The following LMX1A variants were observed in gnomAD, a reference collection of about 807,000 sequenced individuals.
LMX1A encodes the protein LIM homeobox transcription factor 1-alpha.
LMX1A carries 15 observed loss-of-function variants against 49.1 expected under a neutral mutation model. The ratio of observed to expected loss-of-function variants is 0.31; its 90% CI spans 0.20 to 0.47. The LOEUF (loss-of-function observed/expected upper bound fraction) is 0.47. Among genes scored for constraint, LMX1A ranks in the 20% least tolerant of loss-of-function variants. The pLI, the probability that LMX1A is intolerant of heterozygous loss-of-function variation, is 1.00. For missense variants in LMX1A, 372 were observed against 475.8 expected, an observed-to-expected ratio of 0.78 and a Z score of 2.03; for synonymous variants, 167 against 185.7, an observed-to-expected ratio of 0.90 and a Z score of 0.82.
chr1:165,260,012 C>A (rs1337606988), intron 3 of LMX1A, among the ~76,000 whole-genome samples: 1 of 152,100 alleles, frequency 6.6e-6, no homozygotes, highest in Non-Finnish European at 1.5e-5. Flanking sequence ...GCCAAGGTGG[C>A]ACAACTTATA....
chr1:165,292,856 C>T (rs978354571), intron 3 of LMX1A, among the ~76,000 whole-genome samples: 3 of 152,116 alleles, frequency 2.0e-5, no homozygotes, highest in Non-Finnish European at 4.4e-5. Context: ...CGGTGGCTCA[C>T]GCCTGTAATC....
chr1:165,335,607 T>A (rs1264944391), intron 3 of LMX1A, among the ~76,000 whole-genome samples: 1 of 152,156 alleles, frequency 6.6e-6, no homozygotes, highest in Non-Finnish European at 1.5e-5. Context: ...CAACAAATGA[T>A]CACAATTAGC....
At chr1:165,230,943 G>A (rs1248108063) in intron 4 of LMX1A, among the ~76,000 whole-genome samples, 1 of 152,108 alleles carries the variant, frequency 6.6e-6, no homozygotes, top group Non-Finnish European at 1.5e-5. Context: ...AGGGAATGGG[G>A]TATGATCATT....
chr1:165,222,161 T>C (rs999966324), intron 4 of LMX1A, among the ~76,000 whole-genome samples: 16 of 152,202 alleles, frequency 1.1e-4, no homozygotes, highest in African/African-American at 3.9e-4. Context: ...CATCACTGTA[T>C]TCAAATCAAG....
intron 4 of LMX1A, among the ~76,000 whole-genome samples, chr1:165,237,450 C>A (rs1486258629): frequency 6.6e-6 from 1 of 152,170 alleles, no homozygotes; most frequent in Admixed American, 6.5e-5. Context: ...ATCTCCTGAT[C>A]TCGTGATCCG....
intron 3 of LMX1A, among the ~76,000 whole-genome samples, chr1:165,251,155 T>A (rs1394210081): frequency 6.6e-6 from 1 of 151,422 alleles, no homozygotes; most frequent in African/African-American, 2.4e-5. Flanking sequence ...TGATCTCGGC[T>A]CACTGCAATG....
At chr1:165,266,564 G>A (rs1653623715) in intron 3 of LMX1A, among the ~76,000 whole-genome samples, 1 of 150,272 alleles carries the variant, frequency 6.7e-6, no homozygotes, top group Non-Finnish European at 1.5e-5. Context: ...CAACATGCTG[G>A]ATGAACTAAT....
At chr1:165,309,611 T>C (rs1655017467) in intron 3 of LMX1A, among the ~76,000 whole-genome samples, 1 of 152,350 alleles carries the variant, frequency 6.6e-6, no homozygotes, top group South Asian at 2.1e-4. Flanking sequence ...CTGTAGATTA[T>C]TGGGGTAATT....
At chr1:165,215,252 A>G (rs1195682185) in intron 4 of LMX1A, among the ~76,000 whole-genome samples, 1 of 152,174 alleles carries the variant, frequency 6.6e-6, no homozygotes, top group African/African-American at 2.4e-5. Context: ...TGGAAGTTGC[A>G]GCAGCAAGCC....
rs148948340 is a variant in LMX1A at position 165,313,605 on chromosome 1, A to G, written c.263+39471T>C. Among the ~76,000 whole-genome samples, 6 of 151,984 alleles carry G rather than the reference A, an allele frequency of 3.9e-5. No homozygotes were observed. In the East Asian group the frequency reaches 1.2e-3, roughly 29 times the overall value. On this transcript the variant is annotated intron_variant, in intron 3 of 8. Transcript: ENST00000342310. ...AAATGGTATGGAATCCCAGGCTGGAAACTTCAGGGAGCTATTGCCAGCCCT... is the reference window on the plus strand; with the variant it reads ...AAATGGTATGGAATCCCAGGCTGGAGACTTCAGGGAGCTATTGCCAGCCCT...
chr1:165,297,093 G>A (rs919845925), intron 3 of LMX1A, among the ~76,000 whole-genome samples: 2 of 152,202 alleles, frequency 1.3e-5, no homozygotes, highest in African/African-American at 4.8e-5. Flanking sequence ...GTAGAGCTCA[G>A]TTTCCAGCAC....
intron 3 of LMX1A, among the ~76,000 whole-genome samples, chr1:165,253,338 C>T (rs1371361864): frequency 2.0e-5 from 3 of 152,182 alleles, no homozygotes; most frequent in African/African-American, 7.2e-5. Context: ...CACCTCCCAA[C>T]TCTAAATTGT....
intron 3 of LMX1A, among the ~76,000 whole-genome samples, chr1:165,279,472 G>A (rs1571198118): frequency 1.5e-5 from 1 of 66,462 alleles, no homozygotes; most frequent in Admixed American, 1.9e-4. Flanking sequence ...GAAGATCCAA[G>A]AGAGAAACTG....
chr1:165,261,612 A>T (rs896926538), intron 3 of LMX1A, among the ~76,000 whole-genome samples: 2 of 152,260 alleles, frequency 1.3e-5, no homozygotes, highest in Non-Finnish European at 2.9e-5. Context: ...CATTATGCAC[A>T]GTAGCCAAGA....
At position 165,355,515 on chromosome 1, in the gene LMX1A, G is replaced by C. The variant is rs369951809; in HGVS notation, c.45C>G (p.Ile15Met). 90 of 1,613,878 alleles carry C rather than the reference G, an allele frequency of 5.6e-5. No homozygotes were observed. Among genetic ancestry groups the C allele is most frequent in the Non-Finnish European group, 7.3e-5 (86 of 1,180,002 alleles). The part of the protein sequence containing the change: ...LKMEENFQSA[I>M]DTSASFSSLL... ...GCGAGGAGAAGGAGGCCGAGGTGTCGATCGCGCTTTGGAAGTTCTCCTCCA... is the reference window on the plus strand; with the variant it reads ...GCGAGGAGAAGGAGGCCGAGGTGTCCATCGCGCTTTGGAAGTTCTCCTCCA... The change falls in exon 2 of 9, where the codon ATC (isoleucine) becomes ATG (methionine). Residue 15 changes from isoleucine (I) to methionine (M), a missense_variant. This residue lies in a region of LMX1A where 199 missense variants were observed against 244.0 expected (regional missense o/e 0.82). Coordinates refer to ENST00000342310, the MANE Select transcript of LMX1A (RefSeq NM_177398.4). The surrounding 1 kb of genome is among the most constrained non-coding windows in gnomAD (Gnocchi z 4.7).
intron 3 of LMX1A, among the ~76,000 whole-genome samples, chr1:165,254,961 G>A (rs976125350): frequency 3.3e-5 from 5 of 152,148 alleles, no homozygotes; most frequent in Non-Finnish European, 5.9e-5. Context: ...TGTAAAATGG[G>A]AATAATAGTA....
intron 3 of LMX1A, among the ~76,000 whole-genome samples, chr1:165,318,472 A>AT (rs11440497): frequency 0.32 from 48,637 of 151,432 alleles, 8,549 homozygotes; most frequent in East Asian, 0.68. Flanking sequence ...GCATTATATA[A>AT]TTTTTTTTTC....
chr1:165,309,395 G>T (rs756670212), intron 3 of LMX1A, among the ~76,000 whole-genome samples: 2 of 152,230 alleles, frequency 1.3e-5, no homozygotes, highest in African/African-American at 4.8e-5. Context: ...AAGTCCTGGT[G>T]GGGGGCTGGA....
intron 3 of LMX1A, among the ~76,000 whole-genome samples, chr1:165,340,609 C>A (rs1656044404): frequency 6.6e-6 from 1 of 152,184 alleles, no homozygotes; most frequent in Admixed American, 6.5e-5. Flanking sequence ...GCATTCCCCT[C>A]TTCTGATATT....
Sources: gnomAD v4.1 joint callset for allele counts (sites outside exome capture counted in the v4.1 genomes callset) on GRCh38, gnomAD v4.1.1 for gene constraint, gnomAD v4.1.1 regional missense constraint, Gnocchi (gnomAD v3.1) non-coding constraint, MANE v1.5 for transcripts, NCBI Gene and HGNC (gene_info 2026-07-23, HGNC 2026-07-21) for gene names.